WDPCP: variants seen among roughly 807,000 people sequenced by gnomAD.
WDPCP encodes WD repeat-containing and planar cell polarity effector protein fritz homolog.
A neutral mutation model predicts 93.1 loss-of-function variants in WDPCP; 71 were observed. That is an observed-to-expected ratio of 0.76 (90% confidence interval 0.63 to 0.93). The LOEUF is 0.93. Ranked by LOEUF, WDPCP falls within the 40% of genes least tolerant of loss-of-function variation. The pLI, the probability that WDPCP is intolerant of heterozygous loss-of-function variation, is 0.00. For missense variants in WDPCP, 844 were observed against 887.4 expected, an observed-to-expected ratio of 0.95 and a Z score of 0.62; for synonymous variants, 315 against 315.0, an observed-to-expected ratio of 1.00 and a Z score of 0.00.
At chr2:63,328,297 G>C (rs1161091181) in intron 12 of WDPCP, among the ~76,000 whole-genome samples, 1 of 151,538 alleles carries the variant, frequency 6.6e-6, no homozygotes, top group African/African-American at 2.4e-5. Flanking sequence ...GTGGCAACCT[G>C]CTCGGGTCCC....
intron 2 of WDPCP, among the ~76,000 whole-genome samples, chr2:63,765,548 G>C (rs1005559889): frequency 6.6e-6 from 1 of 152,206 alleles, no homozygotes. Context: ...AAATGGATTA[G>C]GCAGGTGTCT....
At chr2:63,318,760 C>T (rs962101253) in intron 12 of WDPCP, among the ~76,000 whole-genome samples, 4 of 152,078 alleles carry the variant, frequency 2.6e-5, no homozygotes, top group Non-Finnish European at 5.9e-5. Flanking sequence ...CCAAGGCCTA[C>T]TTGAGGCTGG....
At chr2:63,245,471 G>A (rs1680199051) in intron 14 of WDPCP, among the ~76,000 whole-genome samples, 1 of 152,164 alleles carries the variant, frequency 6.6e-6, no homozygotes. Flanking sequence ...GAGCAGAAGG[G>A]TGTTGGAACA....
At chr2:63,645,968 C>A (rs1710043302) in intron 3 of WDPCP, among the ~76,000 whole-genome samples, 1 of 152,032 alleles carries the variant, frequency 6.6e-6, no homozygotes, top group African/African-American at 2.4e-5. Flanking sequence ...CACTCTATGT[C>A]TTTTGATTGG....
intron 13 of WDPCP, among the ~76,000 whole-genome samples, chr2:63,271,383 C>A (rs1202250134): frequency 6.6e-6 from 1 of 152,218 alleles, no homozygotes; most frequent in Non-Finnish European, 1.5e-5. Context: ...GAGGATTGAT[C>A]TGCTTGTCTG....
intron 3 of WDPCP, chr2:63,605,803 G>A: frequency 1.3e-6 from 1 of 741,936 alleles, no homozygotes; most frequent in South Asian, 1.6e-5. Flanking sequence ...CCAGTACCTG[G>A]TGCTGATGAT....
intron 6 of WDPCP, among the ~76,000 whole-genome samples, chr2:63,466,354 G>A (rs1366362985): frequency 6.6e-6 from 1 of 150,790 alleles, no homozygotes; most frequent in African/African-American, 2.4e-5. Context: ...TTACAATTTG[G>A]CAAAAGTACC....
chr2:63,538,073 G>C (rs186972747), intron 1 of WDPCP, among the ~76,000 whole-genome samples: 2 of 152,012 alleles, frequency 1.3e-5, no homozygotes, highest in East Asian at 3.9e-4. Flanking sequence ...TTTAATTTCA[G>C]ATAGGTCAAA....
At chr2:63,564,873 G>A (rs936329807) in intron 1 of WDPCP, among the ~76,000 whole-genome samples, 12 of 151,172 alleles carry the variant, frequency 7.9e-5, no homozygotes, top group African/African-American at 2.7e-4. Flanking sequence ...CACCTCCCAG[G>A]TTCAAGCAAT....
At chr2:63,500,649 C>T (rs1701493826) in intron 1 of WDPCP, among the ~76,000 whole-genome samples, 2 of 152,174 alleles carry the variant, frequency 1.3e-5, no homozygotes. Flanking sequence ...AAAATGCCTT[C>T]ATTCTAATCC....
chr2:63,572,616 T>C (rs1707598416), intron 1 of WDPCP, among the ~76,000 whole-genome samples: 1 of 141,224 alleles, frequency 7.1e-6, no homozygotes, highest in Admixed American at 7.9e-5. Context: ...GGCAGGAGAA[T>C]CGCTTGAACC....
intron 15 of WDPCP, among the ~76,000 whole-genome samples, chr2:63,154,329 C>A (rs1472711800): frequency 6.6e-6 from 1 of 152,062 alleles, no homozygotes; most frequent in South Asian, 2.1e-4. Flanking sequence ...AACCTATACA[C>A]CCTGGCAACC....
intron 3 of WDPCP, chr2:63,597,503 C>G (rs750401274): frequency 6.6e-7 from 1 of 1,521,072 alleles, no homozygotes; most frequent in South Asian, 1.3e-5. Flanking sequence ...AAAAGATTTA[C>G]TGAAAGCAAA....
intron 13 of WDPCP, among the ~76,000 whole-genome samples, chr2:63,265,455 T>G (rs967528083): frequency 1.3e-5 from 2 of 151,878 alleles, no homozygotes; most frequent in East Asian, 3.9e-4. Flanking sequence ...CCAAGAAACA[T>G]GCAGTCTACT....
chr2:63,126,734 C>A (rs573835504), intron 17 of WDPCP, among the ~76,000 whole-genome samples: 1 of 144,210 alleles, frequency 6.9e-6, no homozygotes, highest in Non-Finnish European at 1.5e-5. Context: ...AACAGTGGCA[C>A]AATTATAGCT....
chr2:63,712,494 T>C (rs111846913), intron 2 of WDPCP, among the ~76,000 whole-genome samples: 6 of 152,326 alleles, frequency 3.9e-5, no homozygotes, highest in African/African-American at 1.4e-4. Flanking sequence ...TAGCCTAATA[T>C]CTTAAAGTGA....
Position 63,355,880 on chromosome 2 carries a change from T to C in WDPCP, c.1748+22506A>G, listed in dbSNP as rs562061969. On this transcript the variant is annotated intron_variant, in intron 12 of 17. Transcript: ENST00000272321. ...TCCAGCCTGGGTGACAGAGCAAGAC[T>C]CTGTCTCAAAAAACAAACAAACAAA... Among the ~76,000 whole-genome samples the C allele has an allele frequency of 4.6e-5, 7 of 152,236 alleles. No individual in the cohort carries two copies. In the South Asian group the frequency reaches 8.3e-4, roughly 18 times the overall value.
At chr2:63,240,297 C>G (rs1183446108) in intron 14 of WDPCP, among the ~76,000 whole-genome samples, 2 of 152,072 alleles carry the variant, frequency 1.3e-5, no homozygotes, top group Non-Finnish European at 2.9e-5. Flanking sequence ...CCTACCTCAG[C>G]CTCCCAAGTA....
intron 1 of WDPCP, among the ~76,000 whole-genome samples, chr2:63,554,248 T>C (rs1248376029): frequency 2.0e-5 from 3 of 152,230 alleles, no homozygotes; most frequent in African/African-American, 7.2e-5. Flanking sequence ...TCCTTGGAAT[T>C]AGATGTGGCT....
Sources: allele counts gnomAD v4.1 joint callset (sites outside exome capture counted in the v4.1 genomes callset), GRCh38; gene constraint gnomAD v4.1.1; transcripts MANE v1.5; gene names NCBI Gene and HGNC (gene_info 2026-07-23, HGNC 2026-07-21).